The following JPH1 variants were observed in gnomAD, a reference collection of about 807,000 sequenced individuals.
JPH1 encodes junctophilin-1.
JPH1 carries 12 observed loss-of-function variants against 53.6 expected under a neutral mutation model. That is an observed-to-expected ratio of 0.22 (90% CI 0.14 to 0.36). The LOEUF is 0.36. JPH1 is among the 10% of genes least tolerant of loss of function. The pLI, the probability that JPH1 is intolerant of heterozygous loss-of-function variation, is 1.00. For synonymous variants in JPH1, 375 were observed against 363.8 expected (o/e 1.03, Z -0.35); for missense variants, 808 against 905.5 (o/e 0.89, Z 1.38).
chr8:74,313,088 T>C (rs1430433095), intron 2 of JPH1, among the ~76,000 whole-genome samples: 1 of 152,204 alleles, frequency 6.6e-6, no homozygotes, highest in Non-Finnish European at 1.5e-5. Flanking sequence ...TGGAAACTAA[T>C]GATAAGTCGT....
Position 74,235,827 on chromosome 8 carries a change from A to T in JPH1, c.*1224T>A, listed in dbSNP as rs1806983774. 1 of 152,444 alleles carries T rather than the reference A, an allele frequency of 6.6e-6. No individual in the cohort carries two copies. Among genetic ancestry groups the T allele is most frequent in the African/African-American group, 2.4e-5 (1 of 41,472 alleles). The allele number at this position is 152,444 out of a possible 1,614,324, so 9.4% of individuals were successfully genotyped here. A position where few individuals can be genotyped will look rare whatever the true frequency, so the allele number is the denominator to read the frequency against. ...TTACAAAAGGACTTTGAAAAACAGG[A>T]AAGGCAGAAAACTGAGAGGCAGTGA... On this transcript the variant is annotated 3_prime_UTR_variant, in exon 6 of 6. Coordinates refer to ENST00000342232, the MANE Select transcript of JPH1 (RefSeq NM_020647.4).
intron 2 of JPH1, among the ~76,000 whole-genome samples, chr8:74,308,856 A>G (rs1807909532): frequency 6.6e-6 from 1 of 152,208 alleles, no homozygotes; most frequent in South Asian, 2.1e-4. Flanking sequence ...TTTCCAACAG[A>G]AAGCAAGCTG....
chr8:74,298,869 G>T (rs189371704), intron 2 of JPH1, among the ~76,000 whole-genome samples: 135 of 152,314 alleles, frequency 8.9e-4, no homozygotes, highest in African/African-American at 3.0e-3. Context: ...CGAGAGACCT[G>T]TGTGCATATG....
At position 74,244,749 on chromosome 8, in the gene JPH1, T is replaced by A; in HGVS notation, c.1685A>T (p.His562Leu). The A allele has an allele frequency of 3.7e-6, 6 of 1,614,078 alleles. No individual in the cohort carries two copies. Among genetic ancestry groups the A allele is most frequent in the Non-Finnish European group, 5.1e-6 (6 of 1,180,002 alleles). Reference protein sequence around the residue: ...GYYVKLNAPQHPPVDVEDGDG... With the variant: ...GYYVKLNAPQLPPVDVEDGDG... The stretch of plus-strand genomic sequence containing the variant: ...GCCGTCCTCCACGTCTACTGGAGGG[T>A]GCTGGGGGGCGTTCAGCTTCACGTA... Residue 562 changes from histidine to leucine, a missense_variant, in exon 4 of 6, where the codon CAC becomes CTC. By Grantham distance (99) the His-to-Leu change is moderately conservative. Transcript: ENST00000342232.
At chr8:74,278,091 C>A (rs1806901919) in intron 2 of JPH1, among the ~76,000 whole-genome samples, 4 of 152,182 alleles carry the variant, frequency 2.6e-5, no homozygotes, top group Admixed American at 2.0e-4. Flanking sequence ...TGTCCCCACA[C>A]AAATCTCATC....
At chr8:74,304,495 A>G (rs1028045794) in intron 2 of JPH1, among the ~76,000 whole-genome samples, 1 of 152,214 alleles carries the variant, frequency 6.6e-6, no homozygotes, top group African/African-American at 2.4e-5. Flanking sequence ...AGGCTCTTCC[A>G]TTCTTACCCT....
chr8:74,287,299 G>A (rs527639284), intron 2 of JPH1, among the ~76,000 whole-genome samples: 96 of 152,000 alleles, frequency 6.3e-4, no homozygotes, highest in Non-Finnish European at 1.2e-3. Context: ...ATGGTGATGC[G>A]TGCCTGTAAA....
rs1262989337 is a variant in JPH1 at position 74,236,101 on chromosome 8, CT to C, written c.*949del. The C allele has an allele frequency of 4.6e-5, 7 of 152,164 alleles. No individual in the cohort carries two copies. The highest frequency in any genetic ancestry group is 1.0e-4 in the Non-Finnish European group (7 of 68,030). The allele number at this position is 152,164 out of a possible 1,614,324, so 9.4% of individuals were successfully genotyped here. On this transcript the variant is annotated 3_prime_UTR_variant, in exon 6 of 6. Coordinates refer to ENST00000342232, the MANE Select transcript of JPH1 (RefSeq NM_020647.4). ...TTCTTAGAATTCTGTTGTGTTTCAGCTTTTAAAATTTAGCACTTCCTAAGTG... is the reference window on the plus strand; with the variant it reads ...TTCTTAGAATTCTGTTGTGTTTCAGCTTTAAAATTTAGCACTTCCTAAGTG...
Position 74,320,852 on chromosome 8 carries a change from G to A in JPH1, c.379+57C>T. ...GTCCTCCCCGCTTCCCCGCAGCCGGGGCAGAGCCCACCGCACCAGCTCGCG... is the reference window on the plus strand; with the variant it reads ...GTCCTCCCCGCTTCCCCGCAGCCGGAGCAGAGCCCACCGCACCAGCTCGCG... On this transcript the variant is annotated intron_variant, in intron 1 of 5. Transcript: ENST00000342232. This position sits in a 1 kb window ranked among gnomAD's most constrained non-coding sequence, Gnocchi z 4.4. The A allele has an allele frequency of 1.4e-6, 2 of 1,452,024 alleles. No homozygotes were observed. The allele number at this position is 1,452,024 out of a possible 1,614,324, so 89.9% of individuals were successfully genotyped here. A position where few individuals can be genotyped will look rare whatever the true frequency, so the allele number is the denominator to read the frequency against.
In JPH1 at chr8:74,321,264, G is replaced by T; in HGVS notation, c.24C>A (p.Phe8Leu). The part of the protein sequence containing the change: MTGGRFD[F>L]DDGGTYCGGW... Reference sequence around the variant, plus strand: ...CGCCGCAGTAGGTGCCGCCATCGTCGAAGTCGAACCTTCCGCCCGTCATTC... The same window carrying T: ...CGCCGCAGTAGGTGCCGCCATCGTCTAAGTCGAACCTTCCGCCCGTCATTC... Residue 8 changes from phenylalanine (F) to leucine (L), a missense_variant, in exon 1 of 6, where the codon TTC becomes TTA. By Grantham distance (22) the Phe-to-Leu change is conservative. This residue lies in a region of JPH1 where 52 missense variants were observed against 93.6 expected (regional missense o/e 0.56). Coordinates refer to ENST00000342232, the MANE Select transcript of JPH1 (RefSeq NM_020647.4). The surrounding 1 kb of genome is among the most constrained non-coding windows in gnomAD (Gnocchi z 4.3). The T allele has an allele frequency of 1.3e-6, 2 of 1,594,822 alleles. No individual in the cohort carries two copies. The highest frequency in any genetic ancestry group is 1.7e-6 in the Non-Finnish European group (2 of 1,170,726).
chr8:74,287,901 AAAGAG>A (rs1356628217), intron 2 of JPH1, among the ~76,000 whole-genome samples: 2 of 152,150 alleles, frequency 1.3e-5, no homozygotes, highest in African/African-American at 4.8e-5. Flanking sequence ...ATCACAAACT[AAAGAG>A]AAAACATCTA....
intron 2 of JPH1, among the ~76,000 whole-genome samples, chr8:74,267,568 T>C (rs1315833600): frequency 1.3e-5 from 2 of 152,132 alleles, no homozygotes; most frequent in Non-Finnish European, 2.9e-5. Context: ...CTGAATTTGA[T>C]AAGAACCTTT....
intron 2 of JPH1, among the ~76,000 whole-genome samples, chr8:74,265,447 T>G (rs1392456955): frequency 6.6e-6 from 1 of 152,212 alleles, no homozygotes; most frequent in Admixed American, 6.5e-5. Context: ...AATCCTTGAT[T>G]GGAATATGCC....
At chr8:74,263,722 G>C (rs1806457041) in intron 2 of JPH1, among the ~76,000 whole-genome samples, 1 of 152,124 alleles carries the variant, frequency 6.6e-6, no homozygotes, top group African/African-American at 2.4e-5. Context: ...CCTCCTCTCT[G>C]CCATTTTATT....
rs2131393613 is a variant in JPH1, at chr8:74,259,365, T to A, written c.1258+20A>T. ...AAAGCCAGTGCTCCTGCCTCACCCA[T>A]CAAAGGAGCACTGTTTTACCTGGTT... On this transcript the variant is annotated intron_variant, in intron 3 of 5. Coordinates refer to ENST00000342232, the MANE Select transcript of JPH1 (RefSeq NM_020647.4). The A allele has an allele frequency of 6.3e-7, 1 of 1,574,876 alleles. No individual in the cohort carries two copies. Among genetic ancestry groups the A allele is most frequent in the Non-Finnish European group, 8.7e-7 (1 of 1,145,548 alleles).
intron 2 of JPH1, among the ~76,000 whole-genome samples, chr8:74,288,970 T>A (rs1807246487): frequency 6.6e-6 from 1 of 152,200 alleles, no homozygotes; most frequent in African/African-American, 2.4e-5. Flanking sequence ...TGCCCTTCTT[T>A]TGTGCATGGA....
intron 2 of JPH1, among the ~76,000 whole-genome samples, chr8:74,298,117 G>A (rs1049574622): frequency 6.6e-5 from 10 of 152,022 alleles, no homozygotes; most frequent in African/African-American, 1.9e-4. Context: ...TCATATCCTC[G>A]GGAAGCTGCT....
intron 2 of JPH1, among the ~76,000 whole-genome samples, chr8:74,274,281 G>C (rs1806786792): frequency 6.6e-6 from 1 of 152,170 alleles, no homozygotes; most frequent in Non-Finnish European, 1.5e-5. Context: ...AAAAACTTAA[G>C]AGACTGAATT....
At position 74,320,293 on chromosome 8, in the gene JPH1, G is replaced by C. The variant is rs1379282949; in HGVS notation, c.379+616C>G. Reference sequence around the variant, plus strand: ...CACACTCTGAACTCCACCTGCATCAGGTGGCCTTTCTGCTCCCATAACTAG... The same window carrying C: ...CACACTCTGAACTCCACCTGCATCACGTGGCCTTTCTGCTCCCATAACTAG... On this transcript the variant is annotated intron_variant, in intron 1 of 5. Transcript: ENST00000342232. This position sits in a 1 kb window ranked among gnomAD's most constrained non-coding sequence, Gnocchi z 4.4. Among the ~76,000 whole-genome samples, 2 of 152,156 alleles carry C rather than the reference G, an allele frequency of 1.3e-5. No individual in the cohort carries two copies. Among genetic ancestry groups the C allele is most frequent in the African/African-American group, 4.8e-5 (2 of 41,440 alleles).
Sources: gnomAD v4.1 joint callset for allele counts (sites outside exome capture counted in the v4.1 genomes callset) on GRCh38, gnomAD v4.1.1 for gene constraint, gnomAD v4.1.1 regional missense constraint, Gnocchi (gnomAD v3.1) non-coding constraint, MANE v1.5 for transcripts, NCBI Gene and HGNC (gene_info 2026-07-23, HGNC 2026-07-21) for gene names.